Variants in SMAD7 observed in about 807,000 individuals in gnomAD.
SMAD7 encodes MAD (mothers against decapentaplegic, Drosophila) homolog 7.
Under a neutral mutation model 38.7 loss-of-function variants are expected in SMAD7, and 8 were observed. The ratio of observed to expected loss-of-function variants is 0.21; its 90% CI spans 0.12 to 0.37. The LOEUF (loss-of-function observed/expected upper bound fraction) is 0.37, where lower values mean the gene tolerates loss of function less well. SMAD7 is among the 10% of genes least tolerant of loss of function. The pLI is 1.00. For missense variants in SMAD7, 477 were observed against 577.9 expected, an observed-to-expected ratio of 0.83 and a Z score of 1.79; for synonymous variants, 327 against 265.1, an observed-to-expected ratio of 1.23 and a Z score of -2.27.
Position 48,950,189 on chromosome 18 carries a change from G to A in SMAD7, c.236C>T (p.Ala79Val), listed in dbSNP as rs1300078717. Residue 79 changes from alanine (A) to valine (V), a missense_variant, in exon 1 of 4, where the codon GCC (alanine) becomes GTC (valine). By Grantham distance (64) the Ala-to-Val change is moderately conservative. Coordinates refer to ENST00000262158, the MANE Select transcript of SMAD7 (RefSeq NM_005904.4). ...GCCCCCGGCCGCGCCGGCGCCCGCG[G>A]CTGGCGGGTGGGGATGGTGGTGACC... ...AKGHHHPHPP[A>V]AGAGAAGGAE... 2 of 1,485,522 alleles carry A rather than the reference G, an allele frequency of 1.3e-6. No homozygotes were observed. The highest frequency in any genetic ancestry group is 4.9e-5 in the Admixed American group (2 of 41,160). 92.0% of individuals were successfully genotyped at this position (1,485,522 alleles called of 1,614,324 possible). A position where few individuals can be genotyped will look rare whatever the true frequency, so the allele number is the denominator to read the frequency against.
chr18:48,947,430 G>T lies in SMAD7; in HGVS notation c.667+954C>A, dbSNP rs977396299. Among the ~76,000 whole-genome samples, 3 of 152,192 alleles carry T rather than the reference G, an allele frequency of 2.0e-5. No homozygotes were observed. The South Asian group carries it at 6.2e-4, about 32-fold the overall frequency. On this transcript the variant is annotated intron_variant, in intron 2 of 3. Coordinates refer to ENST00000262158, the MANE Select transcript of SMAD7 (RefSeq NM_005904.4). ...ACTTGCAGAATTCCAGGAGCTAAAT[G>T]GTGCCCAACCCTTCACTTTTCCTTC...
intron 3 of SMAD7, among the ~76,000 whole-genome samples, chr18:48,926,582 G>A (rs993092766): frequency 8.5e-5 from 13 of 152,276 alleles, no homozygotes; most frequent in Non-Finnish European, 7.3e-5. Context: ...GAGGAAGGGC[G>A]CCTGGGCAGG....
Position 48,921,427 on chromosome 18 carries a change from C to A in SMAD7, c.1226G>T (p.Arg409Leu), listed in dbSNP as rs756158031. Residue 409 changes from arginine to leucine, a missense_variant, in exon 4 of 4, where the codon CGC becomes CTC. Arg to Leu is a moderately radical substitution (Grantham distance 102, BLOSUM62 -2). Around this residue, in one of 2 missense-constraint regions of SMAD7, gnomAD observed 101 missense variants for 198.5 expected, o/e 0.51. Coordinates refer to ENST00000262158, the MANE Select transcript of SMAD7 (RefSeq NM_005904.4). This position sits in a 1 kb window ranked among gnomAD's most constrained non-coding sequence, Gnocchi z 6.4. ...FVKGWGQCYTRQFISSCPCWL... is the reference protein window; with the variant it reads ...FVKGWGQCYTLQFISSCPCWL... Reference sequence around the variant, plus strand: ...GCACGGGCAGCTGCTGATGAACTGGCGGGTGTAGCACTGGCCCCAGCCCTT... The same window carrying A: ...GCACGGGCAGCTGCTGATGAACTGGAGGGTGTAGCACTGGCCCCAGCCCTT... 6.2e-7 allele frequency: 1 copy of A among 1,612,328 alleles called. No homozygotes were observed. Among genetic ancestry groups the A allele is most frequent in the Non-Finnish European group, 8.5e-7 (1 of 1,178,682 alleles).
chr18:48,930,606 C>T (rs1342296061), intron 3 of SMAD7, among the ~76,000 whole-genome samples: 2 of 152,282 alleles, frequency 1.3e-5, no homozygotes, highest in South Asian at 2.1e-4. Flanking sequence ...CCTCCCCCAC[C>T]GCGCAGGGAC....
chr18:48,941,683 T>G (rs992973889), intron 3 of SMAD7, among the ~76,000 whole-genome samples: 3 of 152,314 alleles, frequency 2.0e-5, no homozygotes, highest in East Asian at 3.8e-4. Context: ...ATGGTGGGGA[T>G]GGAAAAACAG....
chr18:48,921,253 C>CAA lies in SMAD7; in HGVS notation c.*117_*118dup, dbSNP rs370493054. ...GAGAAGAAGAAAACCAACCAACAAA[C>CAA]AAAAAAAAAACGACCAAAGAGTTTG... On this transcript the variant is annotated 3_prime_UTR_variant, in exon 4 of 4. Coordinates refer to ENST00000262158, the MANE Select transcript of SMAD7 (RefSeq NM_005904.4). The surrounding 1 kb of genome is among the most constrained non-coding windows in gnomAD (Gnocchi z 6.4). 1.6e-4 allele frequency: 126 copies of CAA among 779,536 alleles called. No individual in the cohort carries two copies. The highest frequency in any genetic ancestry group is 9.8e-4 in the South Asian group (46 of 47,158). 48.3% of individuals were successfully genotyped at this position (779,536 alleles called of 1,614,324 possible).
At chr18:48,947,889 C>G (rs896201642) in intron 2 of SMAD7, among the ~76,000 whole-genome samples, 2 of 123,542 alleles carry the variant, frequency 1.6e-5, no homozygotes, top group African/African-American at 7.4e-5. Flanking sequence ...GCAGGAGGAA[C>G]CTACCCCCCC....
At chr18:48,939,164 A>AC (rs1486940825) in intron 3 of SMAD7, among the ~76,000 whole-genome samples, 98 of 49,036 alleles carry the variant, frequency 2.0e-3, no homozygotes, top group African/African-American at 8.1e-3. Flanking sequence ...CCACACACCC[A>AC]CCCCCACAAC....
At chr18:48,942,725 G>C in intron 2 of SMAD7, 170 bp from the exon 3 acceptor site, 2 of 1,493,552 alleles carry the variant, frequency 1.3e-6, no homozygotes, top group Non-Finnish European at 1.8e-6. Flanking sequence ...ACTGCCCATC[G>C]TAAGACAGAC....
At chr18:48,942,873 G>A (rs2070158246) in intron 2 of SMAD7, 8 of 997,760 alleles carry the variant, frequency 8.0e-6, no homozygotes, top group Middle Eastern at 4.1e-4. Context: ...AAGGTCAAAG[G>A]AGGTTTGGGT....
intron 3 of SMAD7, among the ~76,000 whole-genome samples, chr18:48,931,780 G>A (rs879402279): frequency 1.3e-5 from 2 of 152,380 alleles, no homozygotes; most frequent in African/African-American, 2.4e-5. Flanking sequence ...TGGCCAGCCA[G>A]GGGCTGAGAC....
chr18:48,948,489 T>C (rs770651393), intron 1 of SMAD7, 52 bp from the exon 2 acceptor site: 1,586 of 787,420 alleles, frequency 2.0e-3, no homozygotes, highest in Non-Finnish European at 3.1e-3. Context: ...AGAAGAGAGA[T>C]AGAAACTTAT....
At chr18:48,937,990 G>A (rs1450971576) in intron 3 of SMAD7, among the ~76,000 whole-genome samples, 1 of 152,174 alleles carries the variant, frequency 6.6e-6, no homozygotes, top group Non-Finnish European at 1.5e-5. Flanking sequence ...AGCAACAGGC[G>A]CCCAGGCCCA....
intron 3 of SMAD7, among the ~76,000 whole-genome samples, chr18:48,935,783 AAC>A (rs1436395231): frequency 6.6e-6 from 1 of 152,148 alleles, no homozygotes; most frequent in Non-Finnish European, 1.5e-5. Flanking sequence ...TTGCTCAGGT[AAC>A]ACACAGCAGA....
chr18:48,929,773 C>A (rs1188094688), intron 3 of SMAD7, among the ~76,000 whole-genome samples: 1 of 151,876 alleles, frequency 6.6e-6, no homozygotes, highest in African/African-American at 2.4e-5. Flanking sequence ...TTTAATAAAG[C>A]CCCAGGCTAC....
At chr18:48,939,837 C>G (rs903233687) in intron 3 of SMAD7, among the ~76,000 whole-genome samples, 2 of 149,622 alleles carry the variant, frequency 1.3e-5, no homozygotes, top group African/African-American at 2.5e-5. Context: ...CAGGCTCCCA[C>G]CCCCCAACCT....
chr18:48,940,834 C>T (rs2070130341), intron 3 of SMAD7, among the ~76,000 whole-genome samples: 1 of 151,706 alleles, frequency 6.6e-6, no homozygotes, highest in Admixed American at 6.6e-5. Flanking sequence ...AAAAAGCCCA[C>T]CCATCTCCTG....
At chr18:48,939,750 G>A (rs2070115693) in intron 3 of SMAD7, among the ~76,000 whole-genome samples, 2 of 152,094 alleles carry the variant, frequency 1.3e-5, no homozygotes, top group African/African-American at 2.4e-5. Context: ...CAGGGCCTGT[G>A]AAAGAGGCTC....
At chr18:48,933,089 G>A (rs1345209920) in intron 3 of SMAD7, among the ~76,000 whole-genome samples, 8 of 152,170 alleles carry the variant, frequency 5.3e-5, no homozygotes, top group Admixed American at 4.6e-4. Context: ...TCAGCAAGAA[G>A]CGGGGTGGGG....
Sources: allele counts gnomAD v4.1 joint callset (sites outside exome capture counted in the v4.1 genomes callset), GRCh38; gene constraint gnomAD v4.1.1; regional missense constraint gnomAD v4.1.1; non-coding constraint Gnocchi (gnomAD v3.1); transcripts MANE v1.5; gene names NCBI Gene and HGNC (gene_info 2026-07-23, HGNC 2026-07-21).